The following DAB2IP variants were observed in gnomAD, a reference collection of about 807,000 sequenced individuals.
DAB2IP encodes the protein disabled homolog 2-interacting protein.
In DAB2IP, 28 loss-of-function variants were observed where a neutral mutation model predicts 107.2. The observed-to-expected ratio is 0.26, with a 90% CI of 0.19 to 0.36. The LOEUF (loss-of-function observed/expected upper bound fraction) is 0.36. Among genes scored for constraint, DAB2IP ranks in the 10% least tolerant of loss-of-function variants. The probability of loss-of-function intolerance (pLI) is 1.00; values close to 1 mark genes in which losing one functional copy is unlikely to be tolerated. For missense variants in DAB2IP, 1,400 were observed against 1,644.7 expected (o/e 0.85, Z 2.57); for synonymous variants, 755 against 706.4 (o/e 1.07, Z -1.09).
Position 121,782,278 on chromosome 9 carries a change from C to T in DAB2IP, c.3403-53C>T. 2 of 1,579,384 alleles carry T rather than the reference C, an allele frequency of 1.3e-6. No homozygotes were observed. The highest frequency in any genetic ancestry group is 1.7e-5 in the Admixed American group (1 of 58,306). ...CCCCGATGCTTGTCGTAGGTATACA[C>T]AGCCCTAAGGAGCCTGTCCCATGAC... is the stretch of plus-strand genomic sequence containing the variant. On this transcript the variant is annotated intron_variant, in intron 15 of 15. Transcript: ENST00000408936. The surrounding 1 kb of genome is among the most constrained non-coding windows in gnomAD (Gnocchi z 6.1).
At chr9:121,765,007 TGGGCAGGCCAGGAGG>T (rs1834165396) in intron 8 of DAB2IP, among the ~76,000 whole-genome samples, 3 of 152,144 alleles carry the variant, frequency 2.0e-5, no homozygotes, top group Admixed American at 2.0e-4. Context: ...GCAGGGGGAA[TGGGCAGGCCAGGAGG>T]GTTGGCACCC....
intron 1 of DAB2IP, among the ~76,000 whole-genome samples, chr9:121,588,534 AGGGGGAAAGGGGAAGGG>A (rs1830353721): frequency 8.5e-6 from 1 of 117,600 alleles, no homozygotes; most frequent in African/African-American, 3.2e-5. Context: ...AGGGAAGGGA[AGGGGGAAAGGGGAAGGG>A]TGAAGGGGGA....
At chr9:121,767,142 C>T (rs1458444500) in intron 9 of DAB2IP, among the ~76,000 whole-genome samples, 1 of 152,190 alleles carries the variant, frequency 6.6e-6, no homozygotes, top group African/African-American at 2.4e-5. Flanking sequence ...GGGTTGGGCA[C>T]CACCATCCTG....
intron 1 of DAB2IP, chr9:121,574,777 G>T (rs1188576730): frequency 1.3e-5 from 2 of 152,212 alleles, no homozygotes; most frequent in African/African-American, 2.4e-5. Flanking sequence ...CCATGCCCAG[G>T]GGGGCCTCGG....
At chr9:121,714,151 G>A (rs1830473107) in intron 3 of DAB2IP, among the ~76,000 whole-genome samples, 1 of 152,110 alleles carries the variant, frequency 6.6e-6, no homozygotes, top group Non-Finnish European at 1.5e-5. Flanking sequence ...CAACCTGCCA[G>A]CACATCCAAC....
In DAB2IP at chr9:121,702,315, C is replaced by T. The variant is rs1376467248; in HGVS notation, c.362+2857C>T. 6.6e-6 allele frequency among the ~76,000 whole-genome samples: 1 copy of T among 152,082 alleles called. No individual in the cohort carries two copies. The highest frequency in any genetic ancestry group is 1.9e-4 in the East Asian group (1 of 5,192). ...CGGTTTCAGGGGTGGGGATGCCGAA[C>T]CTGGCTGGTTGGGATTGAGGGTTGC... On this transcript the variant is annotated intron_variant, in intron 3 of 15. Transcript: ENST00000408936. This position sits in a 1 kb window ranked among gnomAD's most constrained non-coding sequence, Gnocchi z 4.5.
intron 1 of DAB2IP, among the ~76,000 whole-genome samples, chr9:121,677,101 C>T (rs1447908671): frequency 6.6e-6 from 1 of 152,218 alleles, no homozygotes; most frequent in Non-Finnish European, 1.5e-5. Flanking sequence ...TAGCAGTAAC[C>T]AATTAGCGCC....
chr9:121,619,295 C>T lies in DAB2IP; in HGVS notation c.40+52067C>T, dbSNP rs114875507. Among the ~76,000 whole-genome samples, 1,415 of 152,198 alleles carry T rather than the reference C, an allele frequency of 9.3e-3. 17 individuals carry two copies. Among genetic ancestry groups the T allele is most frequent in the African/African-American group, 0.03 (1,239 of 41,514 alleles). Reference sequence around the variant, plus strand: ...CTGAGTAGCTGGGACTGCAGGTACGCGCCACCACATCCCGCTAATTTTTGT... The same window carrying T: ...CTGAGTAGCTGGGACTGCAGGTACGTGCCACCACATCCCGCTAATTTTTGT... On this transcript the variant is annotated intron_variant, in intron 1 of 16. Coordinates refer to the DAB2IP transcript ENST00000259371.
chr9:121,680,458 G>T (rs1052328393), intron 2 of DAB2IP, among the ~76,000 whole-genome samples: 2 of 152,164 alleles, frequency 1.3e-5, no homozygotes, highest in Non-Finnish European at 2.9e-5. Context: ...GACGATTCAG[G>T]GTCATGGCCC....
At chr9:121,777,448 C>T (rs1188866179) in intron 14 of DAB2IP, among the ~76,000 whole-genome samples, 1 of 152,246 alleles carries the variant, frequency 6.6e-6, no homozygotes, top group Non-Finnish European at 1.5e-5. Flanking sequence ...CAGCTCTGCT[C>T]TTGGCTCACC....
intron 6 of DAB2IP, among the ~76,000 whole-genome samples, chr9:121,761,178 G>T (rs2118972782): frequency 6.6e-6 from 1 of 152,318 alleles, no homozygotes; most frequent in Middle Eastern, 3.4e-3. Flanking sequence ...TCCTGGACCA[G>T]GGTGCCCCTA....
intron 1 of DAB2IP, among the ~76,000 whole-genome samples, chr9:121,640,118 C>T (rs1052787025): frequency 6.6e-6 from 1 of 152,154 alleles, no homozygotes; most frequent in African/African-American, 2.4e-5. Flanking sequence ...ACTCAGGGGT[C>T]CTTCCTGTGC....
intron 3 of DAB2IP, among the ~76,000 whole-genome samples, chr9:121,744,315 G>A (rs574622148): frequency 5.3e-5 from 8 of 152,310 alleles, no homozygotes; most frequent in South Asian, 2.1e-4. Flanking sequence ...GGCCAGGAGC[G>A]TGTTTTGGCT....
chr9:121,605,166 C>T (rs57017255), intron 1 of DAB2IP, among the ~76,000 whole-genome samples: 1,929 of 152,110 alleles, frequency 0.013, 44 homozygotes, highest in African/African-American at 0.044. Context: ...ACTACAGGTG[C>T]TCGCCACCAT....
chr9:121,737,395 A>T, intron 3 of DAB2IP: 1 of 985,412 alleles, frequency 1.0e-6, no homozygotes, highest in Non-Finnish European at 1.2e-6. Flanking sequence ...CATTTTTGAA[A>T]TTTCAGCTTG....
intron 2 of DAB2IP, among the ~76,000 whole-genome samples, chr9:121,687,008 GGA>G (rs1828917090): frequency 6.6e-6 from 1 of 152,166 alleles, no homozygotes; most frequent in African/African-American, 2.4e-5. Flanking sequence ...GAGTTCAGAT[GGA>G]GATGGAGGTG....
At chr9:121,594,677 A>C (rs914024703) in intron 1 of DAB2IP, among the ~76,000 whole-genome samples, 1 of 152,120 alleles carries the variant, frequency 6.6e-6, no homozygotes, top group Non-Finnish European at 1.5e-5. Flanking sequence ...CCTTTTCTTC[A>C]TTCAATAAAC....
Position 121,568,266 on chromosome 9 carries a change from A to C in DAB2IP, c.40+1038A>C, listed in dbSNP as rs138099822. On this transcript the variant is annotated intron_variant, in intron 1 of 16. Coordinates refer to the DAB2IP transcript ENST00000259371. ...CTCCTGCAGGAGCTCAGCCCTTTCC[A>C]AGGAGAGGGGCCCTTTGCCACGTTT... 4.6e-5 allele frequency among the ~76,000 whole-genome samples: 7 copies of C among 152,206 alleles called. No individual in the cohort carries two copies. In the East Asian group the frequency reaches 1.4e-3, roughly 29 times the overall value.
chr9:121,750,315 T>TTG (rs958636844), intron 3 of DAB2IP, among the ~76,000 whole-genome samples: 19 of 152,110 alleles, frequency 1.2e-4, no homozygotes, highest in Middle Eastern at 3.4e-3. Flanking sequence ...TAGCATTCAC[T>TTG]TGTGTGCGCG....
Sources: allele counts gnomAD v4.1 joint callset (sites outside exome capture counted in the v4.1 genomes callset), GRCh38; gene constraint gnomAD v4.1.1; non-coding constraint Gnocchi (gnomAD v3.1); transcripts MANE v1.5; gene names NCBI Gene and HGNC (gene_info 2026-07-23, HGNC 2026-07-21).